CNTN3: variants seen among roughly 807,000 people sequenced by gnomAD.
CNTN3 encodes contactin-3.
CNTN3 carries 60 observed loss-of-function variants against 119.1 expected under a neutral mutation model. The observed-to-expected ratio is 0.50, with a 90% CI of 0.41 to 0.62. CNTN3 has a LOEUF of 0.62. Among genes scored for constraint, CNTN3 ranks in the 20% least tolerant of loss-of-function variants. The pLI, the probability that CNTN3 is intolerant of heterozygous loss-of-function variation, is 0.00. For synonymous variants in CNTN3, 450 were observed against 438.7 expected (o/e 1.03, Z -0.32); for missense variants, 1,101 against 1,242.4 (o/e 0.89, Z 1.71).
intron 11 of CNTN3, among the ~76,000 whole-genome samples, chr3:74,354,760 A>C (rs1703898672): frequency 6.6e-6 from 1 of 152,128 alleles, no homozygotes; most frequent in Non-Finnish European, 1.5e-5. Context: ...ACCTTTACTC[A>C]ATACTGAATG....
At chr3:74,310,241 C>T (rs905492716) in intron 13 of CNTN3, among the ~76,000 whole-genome samples, 16 of 152,094 alleles carry the variant, frequency 1.1e-4, no homozygotes, top group African/African-American at 3.9e-4. Context: ...AATAAAGAGC[C>T]ATTGTTTCAT....
At chr3:74,288,159 C>CTTTTTTTT (rs3084509) in intron 19 of CNTN3, among the ~76,000 whole-genome samples, 145 of 90,358 alleles carry the variant, frequency 1.6e-3, no homozygotes, top group African/African-American at 4.4e-3. Context: ...CTTTTCTTTT[C>CTTTTTTTT]TTTTTTTTTT....
chr3:74,276,448 C>T (rs1575691861), intron 20 of CNTN3, among the ~76,000 whole-genome samples: 2 of 152,012 alleles, frequency 1.3e-5, no homozygotes, highest in African/African-American at 4.8e-5. Context: ...CTCTCTCAGA[C>T]CACAGTGGAA....
intron 1 of CNTN3, among the ~76,000 whole-genome samples, chr3:74,564,754 T>C (rs1704202374): frequency 6.6e-6 from 1 of 152,040 alleles, no homozygotes; most frequent in Non-Finnish European, 1.5e-5. Flanking sequence ...TCTCTTGGCT[T>C]AGCCTCAGAT....
intron 4 of CNTN3, among the ~76,000 whole-genome samples, chr3:74,440,318 G>T (rs1016002923): frequency 6.6e-6 from 1 of 151,920 alleles, no homozygotes; most frequent in African/African-American, 2.4e-5. Context: ...TCCAATAAGA[G>T]ATCTCACTCT....
intron 1 of CNTN3, among the ~76,000 whole-genome samples, chr3:74,554,417 T>C (rs1345630183): frequency 9.2e-5 from 14 of 152,206 alleles, no homozygotes; most frequent in Admixed American, 6.5e-4. Flanking sequence ...TTTGGTTTCA[T>C]ATGAAGTTTA....
chr3:74,443,147 G>T (rs1701994252), intron 4 of CNTN3, among the ~76,000 whole-genome samples: 1 of 152,136 alleles, frequency 6.6e-6, no homozygotes, highest in African/African-American at 2.4e-5. Context: ...TAAGGAGAAG[G>T]TCCTGGGTTT....
chr3:74,344,901 AC>A (rs1703655101), intron 11 of CNTN3, among the ~76,000 whole-genome samples: 1 of 151,924 alleles, frequency 6.6e-6, no homozygotes, highest in Non-Finnish European at 1.5e-5. Context: ...ACAAACAATA[AC>A]AGTTTTCATA....
chr3:74,507,879 G>A (rs1308904424), intron 2 of CNTN3, among the ~76,000 whole-genome samples: 1 of 151,722 alleles, frequency 6.6e-6, no homozygotes, highest in Non-Finnish European at 1.5e-5. Context: ...CAATCCATTC[G>A]CCTCGGCCTC....
At chr3:74,613,824 A>G (rs1439982126) in intron 1 of CNTN3, among the ~76,000 whole-genome samples, 3 of 152,200 alleles carry the variant, frequency 2.0e-5, no homozygotes, top group Non-Finnish European at 4.4e-5. Flanking sequence ...GGAAACCTGG[A>G]CTACAGCGCA....
At chr3:74,490,192 G>A (rs1702936736) in intron 3 of CNTN3, among the ~76,000 whole-genome samples, 1 of 152,124 alleles carries the variant, frequency 6.6e-6, no homozygotes, top group Non-Finnish European at 1.5e-5. Flanking sequence ...CAAGTGGGTG[G>A]GTTTAATTTT....
intron 4 of CNTN3, among the ~76,000 whole-genome samples, chr3:74,452,844 C>A (rs1390627771): frequency 6.6e-6 from 1 of 151,876 alleles, no homozygotes; most frequent in Non-Finnish European, 1.5e-5. Flanking sequence ...ACTGAACCAG[C>A]CTTGCATCCC....
chr3:74,364,335 T>A, intron 10 of CNTN3, 132 bp downstream of exon 10: 3 of 809,430 alleles, frequency 3.7e-6, no homozygotes, highest in Non-Finnish European at 3.7e-6. Context: ...AGAAACTGAA[T>A]GATCGTGTTG....
chr3:74,352,939 C>T (rs1231957284), intron 11 of CNTN3, among the ~76,000 whole-genome samples: 2 of 151,814 alleles, frequency 1.3e-5, no homozygotes, highest in South Asian at 2.1e-4. Flanking sequence ...GGGTAGACCA[C>T]GGATGTAGAA....
chr3:74,283,656 C>T (rs567192272), intron 20 of CNTN3, among the ~76,000 whole-genome samples: 3 of 152,076 alleles, frequency 2.0e-5, no homozygotes, highest in Non-Finnish European at 4.4e-5. Context: ...GAGAAAAGAG[C>T]CAGACAAATT....
At chr3:74,521,628 T>C (rs1285089655) in intron 1 of CNTN3, among the ~76,000 whole-genome samples, 1 of 151,872 alleles carries the variant, frequency 6.6e-6, no homozygotes, top group Non-Finnish European at 1.5e-5. Flanking sequence ...ATGCAAATTA[T>C]AGATAGCATT....
chr3:74,552,454 C>G (rs765679850), intron 1 of CNTN3, among the ~76,000 whole-genome samples: 4 of 152,210 alleles, frequency 2.6e-5, no homozygotes, highest in Non-Finnish European at 5.9e-5. Context: ...ACATCCTCAC[C>G]AGCATCTGTG....
At chr3:74,549,345 C>G (rs576632011) in intron 1 of CNTN3, among the ~76,000 whole-genome samples, 1 of 152,160 alleles carries the variant, frequency 6.6e-6, no homozygotes, top group Non-Finnish European at 1.5e-5. Context: ...GAAGCCTGTA[C>G]AGCCCACAGA....
Position 74,371,369 on chromosome 3 carries a change from T to C in CNTN3, c.485A>G (p.Tyr162Cys). The stretch of plus-strand genomic sequence containing the variant: ...ACTATCTTCTTCAACAAACGATGGG[T>C]ATTCATTGAAGATCCAAGCATATGA... The part of the protein sequence containing the change: ...ELSYAWIFNE[Y>C]PSFVEEDSRR... Residue 162 changes from tyrosine to cysteine, a missense_variant, in exon 6 of 23, where the codon TAC (tyrosine) becomes TGC (cysteine). Transcript: ENST00000263665. 6.2e-7 allele frequency: 1 copy of C among 1,613,220 alleles called. No homozygotes were observed. The highest frequency in any genetic ancestry group is 8.5e-7 in the Non-Finnish European group (1 of 1,179,464).
Sources: gnomAD v4.1 joint callset for allele counts (sites outside exome capture counted in the v4.1 genomes callset) on GRCh38, gnomAD v4.1.1 for gene constraint, MANE v1.5 for transcripts, NCBI Gene and HGNC (gene_info 2026-07-23, HGNC 2026-07-21) for gene names.